OR4F17: variants seen among roughly 807,000 people sequenced by gnomAD.
The protein encoded by OR4F17 is olfactory receptor 4F17.
For synonymous variants in OR4F17, 1 was observed against 120.7 expected (o/e 0.01, Z 6.50); for missense variants, 1 against 323.6 (o/e 0.00, Z 7.65).
chr19:109,880 A>G (rs983342890), intron 2 of OR4F17, among the ~76,000 whole-genome samples: 2 of 152,156 alleles, frequency 1.3e-5, no homozygotes, highest in African/African-American at 4.8e-5. Flanking sequence ...TGCTCACACA[A>G]CCACAACCTG....
At position 111,939 on chromosome 19, in the gene OR4F17, T is replaced by TA. The variant is rs1273283124; in HGVS notation, c.*352dup. 8.8e-5 allele frequency: 14 copies of TA among 159,370 alleles called. No homozygotes were observed. Among genetic ancestry groups the TA allele is most frequent in the South Asian group, 1.9e-4 (1 of 5,234 alleles). The allele number at this position is 159,370 out of a possible 1,614,324, so 9.9% of individuals were successfully genotyped here. A position where few individuals can be genotyped will look rare whatever the true frequency, so the allele number is the denominator to read the frequency against. ...GAAAATATAGCCTAGCTTATAAATT[T>TA]AAAAAAAAATTTATTTGGTCCATTT... On this transcript the variant is annotated 3_prime_UTR_variant, in exon 3 of 3. Transcript: ENST00000585993.
chr19:108,146 A>G (rs1968653135), intron 2 of OR4F17, among the ~76,000 whole-genome samples: 1 of 133,802 alleles, frequency 7.5e-6, no homozygotes, highest in African/African-American at 2.7e-5. Flanking sequence ...AACATATATT[A>G]TTATATAAAA....
At chr19:107,893 TAATA>T (rs1414857434) in intron 2 of OR4F17, among the ~76,000 whole-genome samples, 1 of 2,010 alleles carries the variant, frequency 5.0e-4, no homozygotes, top group African/African-American at 1.8e-3. Context: ...ATATATTATA[TAATA>T]TAATATAATA....
At chr19:107,731 G>A (rs1366318459) in intron 2 of OR4F17, among the ~76,000 whole-genome samples, 176 bp downstream of exon 2, 2 of 136,842 alleles carry the variant, frequency 1.5e-5, no homozygotes, top group African/African-American at 5.4e-5. Flanking sequence ...CTTACTATAA[G>A]GACATAAGGC....
chr19:110,017 C>T (rs1217105617), intron 2 of OR4F17, among the ~76,000 whole-genome samples: 1 of 147,732 alleles, frequency 6.8e-6, no homozygotes, highest in African/African-American at 2.4e-5. Flanking sequence ...TAGTTCTTGT[C>T]TCTATAATAA....
At chr19:107,813 T>TATATAATATATAATATAA (rs1968633359) in intron 2 of OR4F17, among the ~76,000 whole-genome samples, 1 of 122,472 alleles carries the variant, frequency 8.2e-6, no homozygotes, top group African/African-American at 3.0e-5. Context: ...TAATATATAT[T>TATATAATATATAATATAA]ATATAATATA....
chr19:108,756 C>T (rs1215726650), intron 2 of OR4F17, among the ~76,000 whole-genome samples: 2 of 151,846 alleles, frequency 1.3e-5, no homozygotes, highest in African/African-American at 2.4e-5. Flanking sequence ...AATTATCTCA[C>T]AATAAAAATC....
intron 2 of OR4F17, among the ~76,000 whole-genome samples, chr19:109,860 A>T (rs970649172): frequency 6.6e-6 from 1 of 152,058 alleles, no homozygotes; most frequent in African/African-American, 2.4e-5. Flanking sequence ...GTCTTCATTC[A>T]CCCCTTTCCT....
At chr19:109,789 C>T (rs1968681695) in intron 2 of OR4F17, among the ~76,000 whole-genome samples, 1 of 148,210 alleles carries the variant, frequency 6.7e-6, no homozygotes, top group African/African-American at 2.4e-5. Context: ...GAACACAGGC[C>T]TCCTAGCACA....
At chr19:108,186 T>A (rs1331629016) in intron 2 of OR4F17, among the ~76,000 whole-genome samples, 4 of 135,084 alleles carry the variant, frequency 3.0e-5, no homozygotes, top group East Asian at 4.3e-4. Context: ...ATAAATATAT[T>A]TATATATTAT....
At chr19:109,703 A>G (rs1315886359) in intron 2 of OR4F17, among the ~76,000 whole-genome samples, 1 of 138,278 alleles carries the variant, frequency 7.2e-6, no homozygotes, top group African/African-American at 2.6e-5. Context: ...TATTTTCCAG[A>G]TGTGGCCGTA....
At chr19:107,816 A>G (rs1186840269) in intron 2 of OR4F17, among the ~76,000 whole-genome samples, 1 of 123,678 alleles carries the variant, frequency 8.1e-6, no homozygotes, top group Non-Finnish European at 1.6e-5. Flanking sequence ...TATATATTAT[A>G]TAATATATAA....
chr19:108,071 AATATAATATATATTTTATT>A (rs1270432506), intron 2 of OR4F17, among the ~76,000 whole-genome samples: 3 of 118,832 alleles, frequency 2.5e-5, no homozygotes, highest in South Asian at 4.7e-4. Context: ...TATATTATAG[AATATAATATATATTTTATT>A]ATATAATATA....
intron 2 of OR4F17, among the ~76,000 whole-genome samples, chr19:108,043 A>T (rs1968648104): frequency 9.3e-6 from 1 of 107,238 alleles, no homozygotes; most frequent in Non-Finnish European, 1.8e-5. Context: ...AATATAATAT[A>T]TATTTTATTA....
chr19:107,769 T>A (rs949247415), intron 2 of OR4F17, among the ~76,000 whole-genome samples: 13 of 130,704 alleles, frequency 9.9e-5, no homozygotes, highest in Admixed American at 5.2e-4. Flanking sequence ...TTATATATAC[T>A]ATATATTTAT....
chr19:108,371 C>T (rs1968658346), intron 2 of OR4F17, among the ~76,000 whole-genome samples: 1 of 151,774 alleles, frequency 6.6e-6, no homozygotes, highest in Non-Finnish European at 1.5e-5. Flanking sequence ...AGAATAAATA[C>T]AATTCTTCTA....
Position 109,598 on chromosome 19 carries a change from T to C in OR4F17, c.-54-1027T>C, listed in dbSNP as rs1487522218. Among the ~76,000 whole-genome samples the C allele has an allele frequency of 4.8e-4, 62 of 129,446 alleles. No individual in the cohort carries two copies. In the South Asian group the frequency reaches 0.019, roughly 40 times the overall value. 84.9% of individuals were successfully genotyped at this position (129,446 alleles called of 152,430 possible). On this transcript the variant is annotated intron_variant, in intron 2 of 2. Transcript: ENST00000585993. Reference sequence around the variant, plus strand: ...GTTATCAGTACCTTAATAATGGCTATTATATATTGACCATTACTATTTGCT... The same window carrying C: ...GTTATCAGTACCTTAATAATGGCTACTATATATTGACCATTACTATTTGCT...
intron 2 of OR4F17, among the ~76,000 whole-genome samples, chr19:110,053 C>G (rs1968685331): frequency 7.0e-6 from 1 of 143,150 alleles, no homozygotes; most frequent in Admixed American, 7.3e-5. Context: ...GAAAGCATTC[C>G]AAAATCTCTT....
intron 2 of OR4F17, among the ~76,000 whole-genome samples, chr19:107,759 T>TA (rs1968630446): frequency 2.5e-4 from 33 of 130,606 alleles, no homozygotes; most frequent in African/African-American, 8.5e-4. Flanking sequence ...TATATATATA[T>TA]TATATATACT....
Sources: gnomAD v4.1 joint callset for allele counts (sites outside exome capture counted in the v4.1 genomes callset) on GRCh38, gnomAD v4.1.1 for gene constraint, MANE v1.5 for transcripts, NCBI Gene and HGNC (gene_info 2026-07-23, HGNC 2026-07-21) for gene names.